The following SVIL variants were observed in gnomAD, a reference collection of about 807,000 sequenced individuals.
The protein encoded by SVIL is supervillin.
SVIL carries 101 observed loss-of-function variants against 240.4 expected under a neutral mutation model. That is an observed-to-expected ratio of 0.42 (90% CI 0.36 to 0.50). SVIL has a LOEUF of 0.50. Among genes scored for constraint, SVIL ranks in the 20% least tolerant of loss-of-function variants. SVIL has a pLI of 0.01. For missense variants in SVIL, 2,512 were observed against 2,818.7 expected (o/e 0.89, Z 2.46); for synonymous variants, 999 against 1,100.0 (o/e 0.91, Z 1.82).
chr10:29,690,507 C>T (rs1002342330), intron 1 of SVIL, among the ~76,000 whole-genome samples: 4 of 151,982 alleles, frequency 2.6e-5, no homozygotes, highest in Admixed American at 2.6e-4. Flanking sequence ...CATTTAGAAC[C>T]AAGCATACAT....
At chr10:29,656,845 C>G (rs1762465800) in intron 3 of SVIL, among the ~76,000 whole-genome samples, 2 of 152,188 alleles carry the variant, frequency 1.3e-5, no homozygotes, top group South Asian at 4.1e-4. Flanking sequence ...GTGCAGTGAG[C>G]AGCAGGACCC....
rs138633282 is a variant in SVIL, at chr10:29,478,381, T to C, written c.5377+2156A>G. ...GTCAGTGATGAGTATTTCCTGCACCTACAATGTGAACACAGGCCAGGCACC... is the reference window on the plus strand; with the variant it reads ...GTCAGTGATGAGTATTTCCTGCACCCACAATGTGAACACAGGCCAGGCACC... On this transcript the variant is annotated intron_variant, in intron 29 of 37. Coordinates refer to ENST00000355867, the MANE Select transcript of SVIL (RefSeq NM_021738.3). Among the ~76,000 whole-genome samples, 492 of 152,358 alleles carry C rather than the reference T, an allele frequency of 3.2e-3. 2 individuals carry two copies. Among genetic ancestry groups the C allele is most frequent in the African/African-American group, 0.011 (455 of 41,582 alleles).
chr10:29,487,102 A>G (rs118149132), intron 24 of SVIL, 61 bp downstream of exon 24: 14 of 1,575,904 alleles, frequency 8.9e-6, no homozygotes, highest in Non-Finnish European at 1.2e-5. Context: ...GTCAGGAAGA[A>G]CACTCCTCCG....
intron 1 of SVIL, among the ~76,000 whole-genome samples, chr10:29,722,704 T>G (rs1161265908): frequency 6.6e-6 from 1 of 152,168 alleles, no homozygotes; most frequent in Non-Finnish European, 1.5e-5. Flanking sequence ...AGCCTCTAAA[T>G]CCAATGTAGG....
Position 29,484,564 on chromosome 10 carries a change from A to G in SVIL, c.4955+92T>C, listed in dbSNP as rs1478550926. On this transcript the variant is annotated intron_variant, in intron 27 of 37. Transcript: ENST00000355867. This position sits in a 1 kb window ranked among gnomAD's most constrained non-coding sequence, Gnocchi z 4.7. ...ATCGTTTATGAAAACTGAACCCTAT[A>G]AAGAGCGAGAGTAGAGGACTGTGGT... 4.2e-6 allele frequency: 5 copies of G among 1,177,828 alleles called. No individual in the cohort carries two copies. The African/African-American group carries it at 7.8e-5, about 18-fold the overall frequency. 73.0% of individuals were successfully genotyped at this position (1,177,828 alleles called of 1,614,324 possible).
chr10:29,571,207 A>C (rs1007187244), intron 1 of SVIL, among the ~76,000 whole-genome samples: 4 of 152,232 alleles, frequency 2.6e-5, no homozygotes, highest in African/African-American at 9.6e-5. Context: ...CACTGGCTGG[A>C]ATAGCTCAGA....
chr10:29,659,989 A>G (rs966572454), intron 2 of SVIL, among the ~76,000 whole-genome samples: 1 of 151,638 alleles, frequency 6.6e-6, no homozygotes, highest in African/African-American at 2.4e-5. Flanking sequence ...CTCTTATTGA[A>G]CCAGCCACAA....
intron 1 of SVIL, among the ~76,000 whole-genome samples, chr10:29,729,396 G>A (rs1964469130): frequency 6.6e-6 from 1 of 151,808 alleles, no homozygotes; most frequent in Non-Finnish European, 1.5e-5. Flanking sequence ...GAGCTGGGCT[G>A]GGTGAAAAAG....
In SVIL at chr10:29,735,365, C is replaced by T. The variant is rs968124261; in HGVS notation, c.-400+386G>A. ...GCGCGCCACTCCCCGGGCCACCCGC[C>T]TCCCCGCCATGCTCTCAGCGTAACG... On this transcript the variant is annotated intron_variant, in intron 1 of 35. Coordinates refer to the SVIL transcript ENST00000375400. The surrounding 1 kb of genome is among the most constrained non-coding windows in gnomAD (Gnocchi z 4.1). 6.6e-6 allele frequency among the ~76,000 whole-genome samples: 1 copy of T among 152,086 alleles called. No individual in the cohort carries two copies. Among genetic ancestry groups the T allele is most frequent in the Admixed American group, 6.5e-5 (1 of 15,280 alleles).
At chr10:29,538,433 C>T (rs752778805) in intron 6 of SVIL, among the ~76,000 whole-genome samples, 19 of 152,174 alleles carry the variant, frequency 1.2e-4, no homozygotes, top group African/African-American at 2.2e-4. Context: ...AGACAGTCTC[C>T]GACTTAAAAT....
intron 29 of SVIL, among the ~76,000 whole-genome samples, chr10:29,477,317 C>T (rs1946303012): frequency 6.6e-6 from 1 of 152,244 alleles, no homozygotes; most frequent in Non-Finnish European, 1.5e-5. Flanking sequence ...AGCATTCTTG[C>T]ACCAGAGCCA....
In SVIL at chr10:29,720,597, A is replaced by T. The variant is rs564579653; in HGVS notation, c.-400+15154T>A. Among the ~76,000 whole-genome samples, 7 of 152,352 alleles carry T rather than the reference A, an allele frequency of 4.6e-5. No homozygotes were observed. The South Asian group carries it at 1.4e-3, about 32-fold the overall frequency. Reference sequence around the variant, plus strand: ...GGATATACACAAAGGAATAAAGAACAGTGGAAATAGTTACTACCTGGGTAA... The same window carrying T: ...GGATATACACAAAGGAATAAAGAACTGTGGAAATAGTTACTACCTGGGTAA... On this transcript the variant is annotated intron_variant, in intron 1 of 35. Transcript: ENST00000375400.
chr10:29,577,609 T>G (rs1228514686), intron 1 of SVIL, among the ~76,000 whole-genome samples: 1 of 152,222 alleles, frequency 6.6e-6, no homozygotes, highest in Non-Finnish European at 1.5e-5. Context: ...GTTGGTTCCA[T>G]GTCTTTGCAA....
intron 6 of SVIL, among the ~76,000 whole-genome samples, chr10:29,547,344 T>C (rs1310072329): frequency 6.6e-6 from 1 of 152,202 alleles, no homozygotes; most frequent in East Asian, 1.9e-4. Context: ...ATATATAAAC[T>C]ACTTTGGGTT....
intron 1 of SVIL, among the ~76,000 whole-genome samples, chr10:29,627,006 T>C (rs2256585): frequency 0.83 from 126,539 of 151,802 alleles, 53,046 homozygotes; most frequent in Non-Finnish European, 0.87. Context: ...CCTGGGAGAC[T>C]GAGCGAGACT....
At chr10:29,734,090 C>T (rs1317022248) in intron 1 of SVIL, among the ~76,000 whole-genome samples, 2 of 152,196 alleles carry the variant, frequency 1.3e-5, no homozygotes, top group East Asian at 1.9e-4. Flanking sequence ...AACAGAGCTC[C>T]GTGCTGTGTA....
At chr10:29,637,668 C>T (rs1958356261), upstream of SVIL, among the ~76,000 whole-genome samples, 1 of 152,160 alleles carries the variant, frequency 6.6e-6, no homozygotes, top group South Asian at 2.1e-4. Context: ...GATTTCTGTG[C>T]CATTCAACAA....
Position 29,606,192 on chromosome 10 carries a change from C to T in SVIL, c.-201+28228G>A, listed in dbSNP as rs552742242. Among the ~76,000 whole-genome samples the T allele has an allele frequency of 6.6e-5, 10 of 152,054 alleles. No homozygotes were observed. The South Asian group carries it at 1.0e-3, about 16-fold the overall frequency. ...CCTAAGTGCTGGGATTACAGGCGTG[C>T]GCCACAGCTCCCGGCCTATTTTTAA... On this transcript the variant is annotated intron_variant, in intron 1 of 37. Coordinates refer to ENST00000355867, the MANE Select transcript of SVIL (RefSeq NM_021738.3).
intron 1 of SVIL, among the ~76,000 whole-genome samples, chr10:29,709,976 G>C (rs372026149): frequency 1.1e-4 from 16 of 152,246 alleles, no homozygotes; most frequent in Admixed American, 7.2e-4. Context: ...TTGGGGGTGC[G>C]CGAGAGGCAG....
Sources: allele counts gnomAD v4.1 joint callset (sites outside exome capture counted in the v4.1 genomes callset), GRCh38; gene constraint gnomAD v4.1.1; non-coding constraint Gnocchi (gnomAD v3.1); transcripts MANE v1.5; gene names NCBI Gene and HGNC (gene_info 2026-07-23, HGNC 2026-07-21).